VRK2: variants seen among roughly 807,000 people sequenced by gnomAD.
VRK2 encodes the protein serine/threonine-protein kinase VRK2.
In VRK2, 60 loss-of-function variants were observed where a neutral mutation model predicts 57.6. The observed-to-expected ratio is 1.04, with a 90% CI of 0.85 to 1.29. The LOEUF is 1.29. VRK2 is among the 50% of genes most tolerant of loss of function. The pLI, the probability that VRK2 is intolerant of heterozygous loss-of-function variation, is 0.00. For synonymous variants in VRK2, 231 were observed against 199.2 expected, an observed-to-expected ratio of 1.16 and a Z score of -1.35; for missense variants, 705 against 588.1, an observed-to-expected ratio of 1.20 and a Z score of -2.06.
intron 1 of VRK2, among the ~76,000 whole-genome samples, chr2:57,919,650 G>A (rs1670273117): frequency 6.6e-6 from 1 of 151,972 alleles, no homozygotes; most frequent in South Asian, 2.1e-4. Flanking sequence ...CAGAAATTTT[G>A]AAGGACTGAG....
chr2:58,130,642 TA>T (rs1679051593), intron 8 of VRK2, among the ~76,000 whole-genome samples: 1 of 152,168 alleles, frequency 6.6e-6, no homozygotes, highest in African/African-American at 2.4e-5. Flanking sequence ...CTTTTTAAAT[TA>T]AAAACTAAGT....
intron 2 of VRK2, among the ~76,000 whole-genome samples, chr2:58,051,207 A>G (rs189398580): frequency 5.9e-5 from 9 of 152,288 alleles, no homozygotes; most frequent in East Asian, 3.9e-4. Flanking sequence ...TCAGGGTTCA[A>G]TATGTAAGGG....
chr2:58,112,724 C>A (rs1289866939), intron 7 of VRK2, among the ~76,000 whole-genome samples: 1 of 152,120 alleles, frequency 6.6e-6, no homozygotes. Context: ...ATTTTAGAAG[C>A]AAATGACTTT....
intron 2 of VRK2, among the ~76,000 whole-genome samples, chr2:58,081,158 G>C (rs1194816024): frequency 6.6e-6 from 1 of 151,916 alleles, no homozygotes; most frequent in Non-Finnish European, 1.5e-5. Flanking sequence ...ACATACACAA[G>C]AATTTTTCTT....
intron 3 of VRK2, among the ~76,000 whole-genome samples, chr2:58,034,554 G>C (rs763136589): frequency 6.6e-6 from 1 of 151,894 alleles, no homozygotes; most frequent in African/African-American, 2.4e-5. Context: ...AAGAAGGCAG[G>C]GATGGTTTGT....
chr2:57,969,349 G>A (rs1030343598), intron 1 of VRK2, among the ~76,000 whole-genome samples: 2 of 151,584 alleles, frequency 1.3e-5, no homozygotes, highest in Admixed American at 6.6e-5. Context: ...GTTTAAAAAT[G>A]GTTTTGGAAA....
chr2:58,046,975 G>A, intron 1 of VRK2, 107 bp downstream of exon 1: 1 of 985,394 alleles, frequency 1.0e-6, no homozygotes, highest in Non-Finnish European at 1.2e-6. Context: ...TAGATGCCGG[G>A]GACTCCGGGC....
upstream of VRK2, chr2:58,046,415 C>T: frequency 1.1e-6 from 1 of 895,700 alleles, no homozygotes; most frequent in Non-Finnish European, 1.3e-6. Context: ...TAGTTAGTTG[C>T]TCGGCGAGAG....
rs71418416 is a variant in VRK2, at chr2:57,967,578, A to G, written c.-438-58087A>G. Among the ~76,000 whole-genome samples the G allele has an allele frequency of 2.4e-3, 359 of 152,270 alleles. 10 individuals are homozygous for G. The East Asian group carries it at 0.062, about 26-fold the overall frequency. ...ATCAAGAAAATAAAAATATAAGAAA[A>G]CAAAAATCTTGCGTGAGGCAGTTGA... On this transcript the variant is annotated intron_variant, in intron 1 of 15. Transcript: ENST00000417641.
intron 2 of VRK2, among the ~76,000 whole-genome samples, chr2:58,032,858 C>T (rs1558550597): frequency 6.6e-6 from 1 of 152,106 alleles, no homozygotes; most frequent in Non-Finnish European, 1.5e-5. Context: ...GGGAAACTGG[C>T]TCACCATGAA....
chr2:58,004,479 T>C (rs1673184561), intron 1 of VRK2, among the ~76,000 whole-genome samples: 1 of 152,154 alleles, frequency 6.6e-6, no homozygotes, highest in South Asian at 2.1e-4. Flanking sequence ...TTTTAGCCTG[T>C]GAAACAAATC....
chr2:58,109,967 G>A (rs558207800), intron 7 of VRK2, among the ~76,000 whole-genome samples: 5 of 152,172 alleles, frequency 3.3e-5, no homozygotes, highest in African/African-American at 4.8e-5. Flanking sequence ...AAAATAAAGC[G>A]GTGTAAAAGC....
chr2:58,157,635 A>C (rs1490584504), intron 12 of VRK2, among the ~76,000 whole-genome samples: 1 of 152,200 alleles, frequency 6.6e-6, no homozygotes, highest in Non-Finnish European at 1.5e-5. Flanking sequence ...AGAAATACAG[A>C]ATCTCAGGTC....
Position 58,123,160 on chromosome 2 carries a change from G to A in VRK2, c.603G>A (p.Gln201=). The A allele has an allele frequency of 1.3e-6, 2 of 1,595,566 alleles. No homozygotes were observed. Among genetic ancestry groups the A allele is most frequent in the Admixed American group, 1.8e-5 (1 of 54,806 alleles). The change falls in exon 8 of 13, where the codon CAG becomes CAA. Residue 201 remains glutamine (Q), a synonymous_variant. Transcript: ENST00000340157. The part of the protein sequence containing the change: ...YRYCPNGNHK[Q]YQENPRKGHN... ...ATTGTCCCAATGGGAACCACAAACAGTATCAGGAAAATCCTAGAAAAGGCC... is the reference window on the plus strand; with the variant it reads ...ATTGTCCCAATGGGAACCACAAACAATATCAGGAAAATCCTAGAAAAGGCC...
rs780599541 is a variant in VRK2 at position 58,084,868 on chromosome 2, C to G, written c.187-13C>G. On this transcript the variant is annotated splice_polypyrimidine_tract_variant and intron_variant, in intron 3 of 12. Coordinates refer to ENST00000340157, the MANE Select transcript of VRK2 (RefSeq NM_006296.7). ...TTTTTTTCTAGTAAAATTAATTATT[C>G]TTTTTTTTATAGGAATATCAAGAAA... 6.8e-7 allele frequency: 1 copy of G among 1,471,606 alleles called. No individual in the cohort carries two copies. Among genetic ancestry groups the G allele is most frequent in the African/African-American group, 1.4e-5 (1 of 69,218 alleles). The allele number at this position is 1,471,606 out of a possible 1,614,324, so 91.2% of individuals were successfully genotyped here.
chr2:58,089,627 A>G lies in VRK2; in HGVS notation c.451-4A>G, dbSNP rs1194130936. 4 of 1,555,098 alleles carry G rather than the reference A, an allele frequency of 2.6e-6. No homozygotes were observed. Among genetic ancestry groups the G allele is most frequent in the Non-Finnish European group, 3.5e-6 (4 of 1,141,688 alleles). ...AACCTTATTTTATCTATTTATTTTC[A>G]CAGTTGGATGTACTGGAATATATAC... On this transcript the variant is annotated splice_polypyrimidine_tract_variant and splice_region_variant and intron_variant, in intron 6 of 12. Transcript: ENST00000340157.
intron 10 of VRK2, among the ~76,000 whole-genome samples, chr2:58,136,684 C>G (rs1046665083): frequency 6.6e-6 from 1 of 150,924 alleles, no homozygotes; most frequent in Non-Finnish European, 1.5e-5. Flanking sequence ...TGCGCCTGGC[C>G]CTTATTGGCA....
chr2:58,039,066 C>A (rs1025827924), intron 3 of VRK2, among the ~76,000 whole-genome samples: 1 of 152,044 alleles, frequency 6.6e-6, no homozygotes, highest in African/African-American at 2.4e-5. Flanking sequence ...AGCCACAATA[C>A]TATTAGTTGA....
At chr2:58,039,785 G>A (rs894608800) in intron 3 of VRK2, among the ~76,000 whole-genome samples, 2 of 152,056 alleles carry the variant, frequency 1.3e-5, no homozygotes, top group East Asian at 1.9e-4. Flanking sequence ...AAAAGGAAAT[G>A]CACTAAAATG....
Sources: gnomAD v4.1 joint callset for allele counts (sites outside exome capture counted in the v4.1 genomes callset) on GRCh38, gnomAD v4.1.1 for gene constraint, MANE v1.5 for transcripts, NCBI Gene and HGNC (gene_info 2026-07-23, HGNC 2026-07-21) for gene names.